Variants in LILRA1 observed in about 807,000 individuals in gnomAD.
The protein encoded by LILRA1 is leukocyte immunoglobulin like receptor A1.
Under a neutral mutation model 51.6 loss-of-function variants are expected in LILRA1, and 51 were observed. The observed-to-expected ratio is 0.99, with a 90% confidence interval of 0.79 to 1.25. The LOEUF (loss-of-function observed/expected upper bound fraction) is 1.25, where lower values mean the gene tolerates loss of function less well. Ranked by LOEUF, LILRA1 falls within the 50% of genes most tolerant of loss-of-function variation. The pLI is 0.00. For missense variants in LILRA1, 660 were observed against 611.7 expected (o/e 1.08, Z -0.83); for synonymous variants, 305 against 248.4 (o/e 1.23, Z -2.14).
chr19:54,599,113 G>A (rs963234747), intron 7 of LILRA1, 123 bp from the exon 8 acceptor site: 1 of 1,200,306 alleles, frequency 8.3e-7, no homozygotes, highest in South Asian at 1.3e-5. Flanking sequence ...TTTTTTAAAT[G>A]TCTACCCAGG....
At chr19:54,595,426 G>T in intron 5 of LILRA1, 24 bp downstream of exon 5, 5 of 1,590,226 alleles carry the variant, frequency 3.1e-6, no homozygotes, top group Non-Finnish European at 4.3e-6. Flanking sequence ...AGCATTGCCT[G>T]GAGTTCCCTG....
intron 7 of LILRA1, 132 bp downstream of exon 7, chr19:54,596,623 T>C: frequency 7.8e-7 from 1 of 1,289,902 alleles, no homozygotes; most frequent in Non-Finnish European, 1.1e-6. Flanking sequence ...ATCCCAGCAC[T>C]TTGGGAGGCC....
Position 54,594,727 on chromosome 19 carries a change from G to C in LILRA1, c.133G>C (p.Val45Leu). 1.2e-6 allele frequency: 2 copies of C among 1,614,012 alleles called. No individual in the cohort carries two copies. Among genetic ancestry groups the C allele is most frequent in the Non-Finnish European group, 1.7e-6 (2 of 1,179,922 alleles). Reference protein sequence around the residue: ...PGSVITQGSPVTLWCQGILET... With the variant: ...PGSVITQGSPLTLWCQGILET... The stretch of plus-strand genomic sequence containing the variant: ...CTCTGTGATCACCCAGGGGAGTCCC[G>C]TGACCCTCTGGTGTCAGGGGATCCT... Residue 45 changes from valine (V) to leucine (L), a missense_variant, in exon 4 of 10, where the codon GTG (valine) becomes CTG (leucine). Physicochemically the swap from Val to Leu is conservative, Grantham distance 32. Transcript: ENST00000251372.
In LILRA1 at chr19:54,598,747, T is replaced by C. The variant is rs1422656338; in HGVS notation, c.1262-489T>C. 2.6e-5 allele frequency among the ~76,000 whole-genome samples: 4 copies of C among 152,306 alleles called. No individual in the cohort carries two copies. The East Asian group carries it at 7.7e-4, about 29-fold the overall frequency. Reference sequence around the variant, plus strand: ...GTAAAGGAATCAAATACTTCACTTATAAATTGTTAAAGGTGTTGAATAATT... The same window carrying C: ...GTAAAGGAATCAAATACTTCACTTACAAATTGTTAAAGGTGTTGAATAATT... On this transcript the variant is annotated intron_variant, in intron 7 of 9. Coordinates refer to ENST00000251372, the MANE Select transcript of LILRA1 (RefSeq NM_006863.4).
intron 3 of LILRA1, 93 bp from the exon 4 acceptor site, chr19:54,594,572 T>A (rs1206666389): frequency 1.2e-6 from 2 of 1,611,738 alleles, no homozygotes; most frequent in African/African-American, 2.7e-5. Context: ...AGTTCTGGAC[T>A]GACTGATGGG....
intron 7 of LILRA1, among the ~76,000 whole-genome samples, chr19:54,597,995 G>A (rs1187838221): frequency 1.3e-5 from 2 of 148,598 alleles, no homozygotes; most frequent in African/African-American, 2.5e-5. Flanking sequence ...AAAGGAGCAC[G>A]TTTTGGGTGG....
chr19:54,598,293 T>C (rs773728000), intron 7 of LILRA1, among the ~76,000 whole-genome samples: 3 of 152,244 alleles, frequency 2.0e-5, no homozygotes, highest in Non-Finnish European at 4.4e-5. Context: ...TTGCCTTTCA[T>C]TGGGGCTTGA....
chr19:54,598,866 G>A (rs1258424817), intron 7 of LILRA1, among the ~76,000 whole-genome samples: 1 of 152,074 alleles, frequency 6.6e-6, no homozygotes, highest in East Asian at 1.9e-4. Context: ...TGAAATCTTG[G>A]CTCACTGCAA....
At position 54,594,216 on chromosome 19, in the gene LILRA1, C is replaced by T. The variant is rs187746152; in HGVS notation, c.-29C>T. ...TGCCAGCACCGAGGGCTCATCCATC[C>T]GCAGAGCAGGGCAGTGGGAGGAGAC... On this transcript the variant is annotated 5_prime_UTR_variant, in exon 2 of 10. Coordinates refer to ENST00000251372, the MANE Select transcript of LILRA1 (RefSeq NM_006863.4). 3.7e-3 allele frequency: 5,937 copies of T among 1,612,856 alleles called. 26 individuals carry two copies. Among genetic ancestry groups the T allele is most frequent in the Non-Finnish European group, 4.1e-3 (4,842 of 1,179,478 alleles).
chr19:54,594,321 C>A (rs2062973199), intron 2 of LILRA1, 43 bp downstream of exon 2: 1 of 1,613,404 alleles, frequency 6.2e-7, no homozygotes, highest in Non-Finnish European at 8.5e-7. Context: ...CTAGGAGGGA[C>A]CTCACCCCAC....
In LILRA1 at chr19:54,595,744, T is replaced by C. The variant is rs751004357; in HGVS notation, c.767T>C (p.Val256Ala). The C allele has an allele frequency of 6.2e-6, 10 of 1,613,942 alleles. No homozygotes were observed. The African/African-American group carries it at 1.2e-4, about 19-fold the overall frequency. ...TCTGATGTCAGCTACGACAGATTTG[T>C]TCTGTATAAGGAGGGAGAACGTGAC... ...CVSDVSYDRF[V>A]LYKEGERDFL... Residue 256 changes from valine (V) to alanine (A), a missense_variant, in exon 6 of 10, where the codon GTT (valine) becomes GCT (alanine). Val to Ala is a moderately conservative substitution (Grantham distance 64, BLOSUM62 0). Transcript: ENST00000251372.
At chr19:54,597,053 C>T (rs1000024978) in intron 7 of LILRA1, among the ~76,000 whole-genome samples, 1 of 152,198 alleles carries the variant, frequency 6.6e-6, no homozygotes, top group African/African-American at 2.4e-5. Context: ...TGAGAGTAGA[C>T]TGAGGGTGAA....
At chr19:54,595,503 G>A (rs1210799376) in intron 5 of LILRA1, 101 bp downstream of exon 5, 2 of 1,541,164 alleles carry the variant, frequency 1.3e-6, no homozygotes, top group Non-Finnish European at 8.7e-7. Flanking sequence ...GTGGGATGAT[G>A]TTGGGGCGAG....
In LILRA1 at chr19:54,601,364, T is replaced by A; in HGVS notation, c.*547T>A. 5.8e-6 allele frequency: 1 copy of A among 172,494 alleles called. No homozygotes were observed. 10.7% of individuals were successfully genotyped at this position (172,494 alleles called of 1,614,324 possible). ...TGAACCCTACGAGCCCTTCCCTCCT[T>A]CTCACATGCTACCTGTGCAGCTTCT... is the stretch of plus-strand genomic sequence containing the variant. On this transcript the variant is annotated 3_prime_UTR_variant, in exon 10 of 10. Coordinates refer to ENST00000251372, the MANE Select transcript of LILRA1 (RefSeq NM_006863.4).
chr19:54,596,102 G>T, intron 6 of LILRA1, 87 bp from the exon 7 acceptor site: 1 of 1,540,828 alleles, frequency 6.5e-7, no homozygotes. Context: ...AACAGAGATA[G>T]AGACTGAGGG....
rs1253919830 is a variant in LILRA1, at chr19:54,593,644, T to G, written c.-186T>G. ...CCCCTATTTCCCTGCATTTCTCCTC[T>G]GTGCTCACTGCCACACGCAGCTCAA... On this transcript the variant is annotated 5_prime_UTR_variant, in exon 1 of 10. Coordinates refer to ENST00000251372, the MANE Select transcript of LILRA1 (RefSeq NM_006863.4). 1 of 427,856 alleles carries G rather than the reference T, an allele frequency of 2.3e-6. No homozygotes were observed. Among genetic ancestry groups the G allele is most frequent in the Admixed American group, 2.6e-5 (1 of 38,946 alleles). The allele number at this position is 427,856 out of a possible 1,614,324, so 26.5% of individuals were successfully genotyped here. A position where few individuals can be genotyped will look rare whatever the true frequency, so the allele number is the denominator to read the frequency against.
In LILRA1 at chr19:54,596,398, G is replaced by A. The variant is rs372569916; in HGVS notation, c.1168G>A (p.Ala390Thr). The A allele has an allele frequency of 6.8e-6, 11 of 1,614,092 alleles. No homozygotes were observed. The highest frequency in any genetic ancestry group is 9.3e-6 in the Non-Finnish European group (11 of 1,180,000). The change falls in exon 7 of 10, where the codon GCC (alanine) becomes ACC (threonine). Residue 390 changes from alanine to threonine, a missense_variant. Physicochemically the swap from Ala to Thr is moderately conservative, Grantham distance 58. Coordinates refer to ENST00000251372, the MANE Select transcript of LILRA1 (RefSeq NM_006863.4). ...AEFPMSPVTS[A>T]HSGTYRCYGS... ...ATTCCCTATGAGTCCTGTGACCTCA[G>A]CCCACTCGGGGACCTACAGGTGCTA...
At chr19:54,596,655 C>T (rs1210783817) in intron 7 of LILRA1, among the ~76,000 whole-genome samples, 164 bp downstream of exon 7, 5 of 152,090 alleles carry the variant, frequency 3.3e-5, no homozygotes, top group Admixed American at 6.5e-5. Flanking sequence ...ATCAGGAGGC[C>T]AGGAGATCGA....
intron 5 of LILRA1, 32 bp from the exon 6 acceptor site, chr19:54,595,607 G>A (rs376277199): frequency 9.7e-5 from 153 of 1,582,992 alleles, no homozygotes; most frequent in Admixed American, 1.6e-4. Flanking sequence ...CCTGAGGGTC[G>A]GCTCCTGGAA....
Sources: gnomAD v4.1 joint callset for allele counts (sites outside exome capture counted in the v4.1 genomes callset) on GRCh38, gnomAD v4.1.1 for gene constraint, MANE v1.5 for transcripts, NCBI Gene and HGNC (gene_info 2026-07-23, HGNC 2026-07-21) for gene names.